Variants in AKAP7 observed in about 807,000 individuals in gnomAD.
The protein encoded by AKAP7 is A-kinase anchoring protein 7, also known as A kinase (PRKA) anchor protein 7.
Under a neutral mutation model 39.5 loss-of-function variants are expected in AKAP7, and 39 were observed. That is an observed-to-expected ratio of 0.99 (90% CI 0.76 to 1.29). The LOEUF is 1.29. AKAP7 is among the 50% of genes most tolerant of loss of function. AKAP7 has a pLI of 0.00. For missense variants in AKAP7, 414 were observed against 407.7 expected (o/e 1.02, Z -0.13); for synonymous variants, 140 against 139.1 (o/e 1.01, Z -0.05).
At chr6:131,179,551 A>T (rs1804922398) in intron 5 of AKAP7, among the ~76,000 whole-genome samples, 1 of 152,198 alleles carries the variant, frequency 6.6e-6, no homozygotes, top group Non-Finnish European at 1.5e-5. Flanking sequence ...TGTTTTGGTC[A>T]CTAGTGTATA....
In AKAP7 at chr6:131,256,945, C is replaced by CTTGAAA. The variant is rs200738622; in HGVS notation, c.851-24585_851-24584insTTGAAA. ...AAAAGATAAGCAGTGATGATGACAG[C>CTTGAAA]CCAACTCAAAAGAGTTTCAAAATTC... is the stretch of plus-strand genomic sequence containing the variant. On this transcript the variant is annotated intron_variant, in intron 7 of 7. Transcript: ENST00000431975. Among the ~76,000 whole-genome samples, 2,177 of 152,038 alleles carry CTTGAAA rather than the reference C, an allele frequency of 0.014. 145 individuals are homozygous for CTTGAAA. The East Asian group carries it at 0.18, about 12-fold the overall frequency.
chr6:131,155,778 AT>A (rs2128235025), intron 2 of AKAP7, among the ~76,000 whole-genome samples: 1 of 152,172 alleles, frequency 6.6e-6, no homozygotes, highest in East Asian at 1.9e-4. Flanking sequence ...AGCATATTTG[AT>A]GTATTTAACA....
chr6:131,192,949 GA>G (rs2128274780), intron 5 of AKAP7, among the ~76,000 whole-genome samples: 1 of 152,208 alleles, frequency 6.6e-6, no homozygotes, highest in African/African-American at 2.4e-5. Flanking sequence ...CAACTTTACT[GA>G]ATTTTTTTCA....
intron 6 of AKAP7, among the ~76,000 whole-genome samples, chr6:131,208,133 A>G (rs1407031460): frequency 6.6e-6 from 1 of 152,210 alleles, no homozygotes; most frequent in Admixed American, 6.5e-5. Flanking sequence ...TCTAGATTAC[A>G]TTAGTCAACA....
intron 7 of AKAP7, among the ~76,000 whole-genome samples, chr6:131,228,674 G>A (rs910688056): frequency 6.6e-6 from 1 of 151,914 alleles, no homozygotes; most frequent in Non-Finnish European, 1.5e-5. Flanking sequence ...TATACTTTAG[G>A]TTCACCAGTT....
chr6:131,237,115 AG>A (rs1422398756), intron 7 of AKAP7, among the ~76,000 whole-genome samples: 20 of 152,150 alleles, frequency 1.3e-4, no homozygotes, highest in Non-Finnish European at 1.5e-4. Context: ...TTTAGCATGA[AG>A]GGTTGTTGAA....
chr6:131,261,516 A>G (rs1318348612), intron 7 of AKAP7, among the ~76,000 whole-genome samples: 2 of 152,156 alleles, frequency 1.3e-5, no homozygotes, highest in Non-Finnish European at 2.9e-5. Flanking sequence ...TAAATTTAAC[A>G]TAAAAATTCA....
At chr6:131,219,524 A>T in intron 6 of AKAP7, 137 bp from the exon 7 acceptor site, 9 of 687,076 alleles carry the variant, frequency 1.3e-5, no homozygotes, top group Non-Finnish European at 1.8e-5. Flanking sequence ...TTATTGTTGT[A>T]TATCCATTTC....
chr6:131,197,606 T>C (rs1296416762), intron 5 of AKAP7, among the ~76,000 whole-genome samples: 1 of 152,188 alleles, frequency 6.6e-6, no homozygotes, highest in Non-Finnish European at 1.5e-5. Flanking sequence ...TTGGCTTCTA[T>C]TGCATTGTTT....
At chr6:131,197,517 G>A (rs944264688) in intron 5 of AKAP7, among the ~76,000 whole-genome samples, 15 of 152,008 alleles carry the variant, frequency 9.9e-5, no homozygotes, top group African/African-American at 2.7e-4. Context: ...TAGACAACTC[G>A]AAGTTGCCCC....
intron 5 of AKAP7, among the ~76,000 whole-genome samples, chr6:131,197,624 T>C (rs928004176): frequency 6.6e-6 from 1 of 152,214 alleles, no homozygotes; most frequent in Non-Finnish European, 1.5e-5. Context: ...TTTTCAAATT[T>C]ACCAATATTT....
chr6:131,248,772 ATAAGGTT>A (rs1213339126), intron 7 of AKAP7, among the ~76,000 whole-genome samples: 1 of 152,228 alleles, frequency 6.6e-6, no homozygotes, highest in African/African-American at 2.4e-5. Flanking sequence ...TCTGGTCTTA[ATAAGGTT>A]TATATTATTG....
At chr6:131,207,513 T>TTTTTTTTTTTTTG (rs1808238196) in intron 6 of AKAP7, among the ~76,000 whole-genome samples, 1 of 144,074 alleles carries the variant, frequency 6.9e-6, no homozygotes, top group Non-Finnish European at 1.5e-5. Context: ...TTTTTTTTTT[T>TTTTTTTTTTTTTG]TTTTAGATAT....
rs574839238 is a variant in AKAP7 at position 131,198,492 on chromosome 6, G to GT, written c.590-962dup. Among the ~76,000 whole-genome samples the GT allele has an allele frequency of 2.3e-3, 352 of 152,150 alleles. 1 individual carries two copies. The highest frequency in any genetic ancestry group is 6.1e-3 in the African/African-American group (255 of 41,526). ...GTTACTTGGAAATAGTTTTTTGTTT[G>GT]TTTTTTTGTTTGTTTTGGGCCTTGC... On this transcript the variant is annotated intron_variant, in intron 5 of 7. Coordinates refer to ENST00000431975, the MANE Select transcript of AKAP7 (RefSeq NM_016377.4).
chr6:131,204,095 A>G (rs901771862), intron 6 of AKAP7, among the ~76,000 whole-genome samples: 10 of 152,232 alleles, frequency 6.6e-5, no homozygotes, highest in African/African-American at 1.9e-4. Flanking sequence ...TAAAATTGAT[A>G]TGGCCCTTTG....
intron 2 of AKAP7, among the ~76,000 whole-genome samples, chr6:131,151,487 G>A (rs1483601213): frequency 6.6e-6 from 1 of 151,552 alleles, no homozygotes; most frequent in African/African-American, 2.4e-5. Context: ...GCTCACGCCT[G>A]TAATCCCAGC....
At chr6:131,204,067 A>G (rs1007273537) in intron 6 of AKAP7, among the ~76,000 whole-genome samples, 6 of 152,200 alleles carry the variant, frequency 3.9e-5, no homozygotes, top group African/African-American at 1.4e-4. Context: ...CGTGGTAGAA[A>G]GACTATCAGA....
chr6:131,145,733 T>G (rs1801430931), intron 2 of AKAP7, among the ~76,000 whole-genome samples: 1 of 152,042 alleles, frequency 6.6e-6, no homozygotes, highest in African/African-American at 2.4e-5. Context: ...TTATTTTTCT[T>G]TGTAGAGGTG....
chr6:131,272,545 T>A (rs1814375630), intron 7 of AKAP7, among the ~76,000 whole-genome samples: 1 of 152,212 alleles, frequency 6.6e-6, no homozygotes, highest in African/African-American at 2.4e-5. Flanking sequence ...AAATTTGATA[T>A]GTTTTGTTTT....
Sources: gnomAD v4.1 joint callset for allele counts (sites outside exome capture counted in the v4.1 genomes callset) on GRCh38, gnomAD v4.1.1 for gene constraint, MANE v1.5 for transcripts, NCBI Gene and HGNC (gene_info 2026-07-23, HGNC 2026-07-21) for gene names.